SORCS1: variants seen among roughly 807,000 people sequenced by gnomAD.
SORCS1 encodes sortilin related VPS10 domain containing receptor 1.
A neutral mutation model predicts 146.1 loss-of-function variants in SORCS1; 60 were observed. The observed-to-expected ratio is 0.41, with a 90% CI of 0.33 to 0.51. The LOEUF is 0.51. Ranked by LOEUF, SORCS1 falls within the 20% of genes least tolerant of loss-of-function variation. The pLI, the probability that SORCS1 is intolerant of heterozygous loss-of-function variation, is 0.21. For synonymous variants in SORCS1, 637 were observed against 584.0 expected, an observed-to-expected ratio of 1.09 and a Z score of -1.31; for missense variants, 1,352 against 1,487.6, an observed-to-expected ratio of 0.91 and a Z score of 1.50.
chr10:107,173,159 A>G, the SORCS1 span, among the ~76,000 whole-genome samples: 13 of 152,182 alleles, frequency 8.5e-5, no homozygotes, highest in Non-Finnish European at 1.6e-4. Context: ...CTATAACTAT[A>G]CATTAATTTT....
At chr10:106,710,898 C>A (rs34922192) in intron 6 of SORCS1, among the ~76,000 whole-genome samples, 1 of 152,194 alleles carries the variant, frequency 6.6e-6, no homozygotes, top group Non-Finnish European at 1.5e-5. Flanking sequence ...ATGCTTCTCC[C>A]CAGGCTGTTC....
intron 2 of SORCS1, among the ~76,000 whole-genome samples, chr10:106,869,088 T>C (rs985973502): frequency 2.0e-5 from 3 of 152,144 alleles, no homozygotes; most frequent in African/African-American, 7.2e-5. Flanking sequence ...CTAGAAATCC[T>C]AGAAGAGATG....
intron 6 of SORCS1, among the ~76,000 whole-genome samples, chr10:106,713,852 C>A (rs1208138604): frequency 1.3e-5 from 2 of 152,026 alleles, no homozygotes; most frequent in African/African-American, 4.8e-5. Flanking sequence ...CAAACAGATA[C>A]CCCAAGATAC....
At chr10:106,857,152 GCT>G (rs1280593849) in intron 2 of SORCS1, among the ~76,000 whole-genome samples, 5 of 152,172 alleles carry the variant, frequency 3.3e-5, no homozygotes, top group African/African-American at 1.2e-4. Context: ...CCAGGACAGT[GCT>G]GGCACAATCA....
At chr10:107,102,659 T>C (rs1490792308) in intron 1 of SORCS1, among the ~76,000 whole-genome samples, 1 of 152,186 alleles carries the variant, frequency 6.6e-6, no homozygotes, top group African/African-American at 2.4e-5. Flanking sequence ...ACCAGAAGAC[T>C]CTGAGCATCT....
chr10:107,018,856 T>C (rs1352246553), intron 1 of SORCS1, among the ~76,000 whole-genome samples: 3 of 152,198 alleles, frequency 2.0e-5, no homozygotes, highest in Admixed American at 6.5e-5. Flanking sequence ...CGTTACACTT[T>C]AATAAGAAAG....
At chr10:106,862,493 GTTTT>G (rs200250790) in intron 2 of SORCS1, among the ~76,000 whole-genome samples, 3 of 151,724 alleles carry the variant, frequency 2.0e-5, no homozygotes, top group Admixed American at 1.3e-4. Context: ...TCTCTTCAAT[GTTTT>G]TTTTAAGTGG....
At position 106,653,240 on chromosome 10, in the gene SORCS1, GAAAATT is replaced by G. The variant is rs1415972563; in HGVS notation, c.2304-693_2304-688del. ...ACCTATATAATTTATCAGATTCATA[GAAAATT>G]AAAATGTACAATTTTAGGATGACAA... is the stretch of plus-strand genomic sequence containing the variant. On this transcript the variant is annotated intron_variant, in intron 17 of 25. Coordinates refer to ENST00000263054, the MANE Select transcript of SORCS1 (RefSeq NM_052918.5). 2.6e-5 allele frequency among the ~76,000 whole-genome samples: 4 copies of G among 152,260 alleles called. No individual in the cohort carries two copies. The East Asian group carries it at 5.8e-4, about 22-fold the overall frequency.
chr10:107,065,424 T>TTTCTTTCTTTCTTTCTTTCTTTCTTTC (rs1220221667), intron 1 of SORCS1, among the ~76,000 whole-genome samples: 1 of 140,996 alleles, frequency 7.1e-6, no homozygotes, highest in Non-Finnish European at 1.6e-5. Context: ...CTTTTCTTTC[T>TTTCTTTCTTTCTTTCTTTCTTTCTTTC]TTCTTTCTTT....
intron 1 of SORCS1, among the ~76,000 whole-genome samples, chr10:107,132,306 C>T (rs1966918450): frequency 6.6e-6 from 1 of 152,174 alleles, no homozygotes. Context: ...TCCAAACCCA[C>T]CTATTCTTAA....
At chr10:107,113,773 G>A (rs1052322141) in intron 1 of SORCS1, among the ~76,000 whole-genome samples, 2 of 150,878 alleles carry the variant, frequency 1.3e-5, no homozygotes, top group African/African-American at 4.9e-5. Context: ...AATAAACTAG[G>A]CCCAAAGTCA....
intron 6 of SORCS1, among the ~76,000 whole-genome samples, chr10:106,728,864 T>C (rs1235251492): frequency 6.6e-6 from 1 of 152,212 alleles, no homozygotes; most frequent in African/African-American, 2.4e-5. Flanking sequence ...AACAGCCTCA[T>C]TGCTCTGTGG....
intron 1 of SORCS1, among the ~76,000 whole-genome samples, chr10:107,029,342 T>C (rs1222947408): frequency 6.6e-6 from 1 of 152,194 alleles, no homozygotes; most frequent in Non-Finnish European, 1.5e-5. Context: ...GGTTTACCTG[T>C]TTTGGAGCAC....
At chr10:106,707,056 C>A (rs1854583609) in intron 7 of SORCS1, among the ~76,000 whole-genome samples, 1 of 152,122 alleles carries the variant, frequency 6.6e-6, no homozygotes, top group Non-Finnish European at 1.5e-5. Context: ...TCTCTGGGCA[C>A]TGAATTCCAG....
chr10:106,787,548 G>T, intron 3 of SORCS1, among the ~76,000 whole-genome samples: 1 of 152,208 alleles, frequency 6.6e-6, no homozygotes, highest in African/African-American at 2.4e-5. Flanking sequence ...ACACTCATCT[G>T]CTCCAAGTTA....
rs115507505 is a variant in SORCS1 at position 106,743,285 on chromosome 10, C to T, written c.960-13171G>A. 9.2e-3 allele frequency among the ~76,000 whole-genome samples: 1,396 copies of T among 152,212 alleles called. 30 individuals carry two copies. The highest frequency in any genetic ancestry group is 0.032 in the African/African-American group (1,327 of 41,540). ...GGATAGAAAGGGAGGAAAGAGAAGC[C>T]AGAGAGAGGAGACTTTCTTCGCTAT... On this transcript the variant is annotated intron_variant, in intron 5 of 25. Transcript: ENST00000263054.
At chr10:107,120,206 T>C (rs1185685730) in intron 1 of SORCS1, among the ~76,000 whole-genome samples, 1 of 152,186 alleles carries the variant, frequency 6.6e-6, no homozygotes, top group Non-Finnish European at 1.5e-5. Context: ...GGGTAAGTAT[T>C]GAATGAATGT....
At chr10:106,776,451 G>A (rs963324213) in intron 4 of SORCS1, 83 bp downstream of exon 4, 2 of 1,538,050 alleles carry the variant, frequency 1.3e-6, no homozygotes, top group Non-Finnish European at 1.8e-6. Flanking sequence ...GATCACTGAG[G>A]TGAAATGGAG....
chr10:106,651,051 A>T (rs1849822657), intron 18 of SORCS1, among the ~76,000 whole-genome samples: 1 of 152,148 alleles, frequency 6.6e-6, no homozygotes, highest in South Asian at 2.1e-4. Flanking sequence ...CCAACTGAAG[A>T]ATTTTTGGGC....
Sources: gnomAD v4.1 joint callset for allele counts (sites outside exome capture counted in the v4.1 genomes callset) on GRCh38, gnomAD v4.1.1 for gene constraint, MANE v1.5 for transcripts, NCBI Gene and HGNC (gene_info 2026-07-23, HGNC 2026-07-21) for gene names.